KIF5C: variants seen among roughly 807,000 people sequenced by gnomAD.
The protein encoded by KIF5C is kinesin heavy chain isoform 5C.
In KIF5C, 18 loss-of-function variants were observed where a neutral mutation model predicts 125.2. The ratio of observed to expected loss-of-function variants is 0.14; its 90% CI spans 0.10 to 0.21. The LOEUF (loss-of-function observed/expected upper bound fraction) is 0.21, where lower values mean the gene tolerates loss of function less well. Ranked by LOEUF, KIF5C falls within the 10% of genes least tolerant of loss-of-function variation. The probability of loss-of-function intolerance (pLI) is 1.00; values close to 1 mark genes in which losing one functional copy is unlikely to be tolerated. For synonymous variants in KIF5C, 405 were observed against 434.0 expected (o/e 0.93, Z 0.83); for missense variants, 780 against 1,183.8 (o/e 0.66, Z 5.01).
At chr2:149,017,058 CT>C (rs961607383) in intron 25 of KIF5C, among the ~76,000 whole-genome samples, 4 of 152,140 alleles carry the variant, frequency 2.6e-5, no homozygotes, top group African/African-American at 9.7e-5. Context: ...TGGCAGTGAC[CT>C]TAGCATGGAC....
At chr2:148,969,205 T>C (rs1160203779) in intron 11 of KIF5C, among the ~76,000 whole-genome samples, 2 of 152,222 alleles carry the variant, frequency 1.3e-5, no homozygotes, top group Non-Finnish European at 2.9e-5. Context: ...TAGTGTGTCA[T>C]TCTCATCTGT....
chr2:149,024,731 A>G lies in KIF5C; in HGVS notation c.*1661A>G, dbSNP rs1432882714. 2 of 152,650 alleles carry G rather than the reference A, an allele frequency of 1.3e-5. No homozygotes were observed. Among genetic ancestry groups the G allele is most frequent in the Admixed American group, 6.5e-5 (1 of 15,286 alleles). 9.5% of individuals were successfully genotyped at this position (152,650 alleles called of 1,614,324 possible). ...AAGGAGAGAGAGGACGACAAATTCT[A>G]TTGAAGTATTTATTTTGTGAAGATG... is the stretch of plus-strand genomic sequence containing the variant. On this transcript the variant is annotated 3_prime_UTR_variant, in exon 26 of 26. Transcript: ENST00000435030.
chr2:148,916,764 A>G (rs1363161798), intron 1 of KIF5C, among the ~76,000 whole-genome samples: 1 of 152,186 alleles, frequency 6.6e-6, no homozygotes, highest in African/African-American at 2.4e-5. Flanking sequence ...GGGGGAAAAA[A>G]GGACCAGAAA....
At chr2:148,943,522 A>G (rs776811446) in intron 7 of KIF5C, among the ~76,000 whole-genome samples, 3 of 152,208 alleles carry the variant, frequency 2.0e-5, no homozygotes, top group Non-Finnish European at 4.4e-5. Context: ...GTGTGTGGAC[A>G]ATGTAATATA....
intron 16 of KIF5C, among the ~76,000 whole-genome samples, chr2:148,993,594 G>A (rs1325425415): frequency 6.6e-6 from 1 of 152,202 alleles, no homozygotes; most frequent in Non-Finnish European, 1.5e-5. Flanking sequence ...TGTTCCAACG[G>A]AGGAGTTGTG....
At chr2:148,888,585 G>GA (rs1302951554) in intron 1 of KIF5C, 2 of 152,004 alleles carry the variant, frequency 1.3e-5, no homozygotes, top group African/African-American at 2.4e-5. Flanking sequence ...ATTCTGTGCT[G>GA]AAAAATCTCT....
chr2:148,891,731 C>G (rs1273358530), intron 1 of KIF5C, among the ~76,000 whole-genome samples: 2 of 152,132 alleles, frequency 1.3e-5, no homozygotes, highest in Admixed American at 1.3e-4. Flanking sequence ...GAGTCTCACT[C>G]TTGTTGCCCA....
intron 10 of KIF5C, among the ~76,000 whole-genome samples, chr2:148,956,050 T>G (rs923163826): frequency 6.6e-6 from 1 of 152,050 alleles, no homozygotes; most frequent in Non-Finnish European, 1.5e-5. Context: ...GAAATATGAG[T>G]GTAGGAAACC....
At chr2:148,931,759 G>GT (rs546216369) in intron 3 of KIF5C, among the ~76,000 whole-genome samples, 12 of 152,216 alleles carry the variant, frequency 7.9e-5, no homozygotes, top group Non-Finnish European at 1.5e-4. Context: ...CAAGCCCTCT[G>GT]TGTCTTACAG....
At chr2:149,002,514 G>A (rs1357538591) in intron 21 of KIF5C, among the ~76,000 whole-genome samples, 1 of 152,140 alleles carries the variant, frequency 6.6e-6, no homozygotes, top group Non-Finnish European at 1.5e-5. Context: ...CACAGAACAT[G>A]CACACTTGCA....
chr2:148,976,758 T>A (rs1367374186), intron 12 of KIF5C, among the ~76,000 whole-genome samples: 3 of 151,606 alleles, frequency 2.0e-5, no homozygotes, highest in African/African-American at 7.3e-5. Flanking sequence ...TTTTTGTATG[T>A]TTTGTAGAGA....
At chr2:148,920,268 A>G (rs1681730581) in intron 1 of KIF5C, among the ~76,000 whole-genome samples, 2 of 152,242 alleles carry the variant, frequency 1.3e-5, no homozygotes, top group Non-Finnish European at 2.9e-5. Context: ...GCAAAGCTAC[A>G]TTTTTGTTCC....
rs1371345759 is a variant in KIF5C, at chr2:148,973,391, G to A, written c.1173G>A (p.Glu391=). The change falls in exon 12 of 26, where the codon GAG becomes GAA. Residue 391 remains glutamate, a synonymous_variant. Coordinates refer to ENST00000435030, the MANE Select transcript of KIF5C (RefSeq NM_004522.3). The part of the protein sequence containing the change: ...QISAKDQKNL[E]PCDNTPIIDN... Reference sequence around the variant, plus strand: ...GTGCCAAGGACCAGAAGAACCTGGAGCCTTGTGATAACACCCCCATCATAG... The same window carrying A: ...GTGCCAAGGACCAGAAGAACCTGGAACCTTGTGATAACACCCCCATCATAG... The A allele has an allele frequency of 5.6e-6, 9 of 1,613,794 alleles. No homozygotes were observed. The highest frequency in any genetic ancestry group is 7.6e-6 in the Non-Finnish European group (9 of 1,179,722).
chr2:148,920,936 C>T (rs1681759380), intron 1 of KIF5C, among the ~76,000 whole-genome samples: 1 of 152,198 alleles, frequency 6.6e-6, no homozygotes, highest in Non-Finnish European at 1.5e-5. Context: ...CTGCCCTCCC[C>T]TCTGCTATGT....
chr2:149,024,916 T>C lies in KIF5C; in HGVS notation c.*1846T>C, dbSNP rs949936776. The C allele has an allele frequency of 6.6e-6, 1 of 152,424 alleles. No individual in the cohort carries two copies. The highest frequency in any genetic ancestry group is 1.5e-5 in the Non-Finnish European group (1 of 68,044). The allele number at this position is 152,424 out of a possible 1,614,324, so 9.4% of individuals were successfully genotyped here. ...TAATAACATATGCCACATAACCTTG[T>C]TGATATGTTTGCTTCTGATTTGGGA... is the stretch of plus-strand genomic sequence containing the variant. On this transcript the variant is annotated 3_prime_UTR_variant, in exon 26 of 26. Coordinates refer to ENST00000435030, the MANE Select transcript of KIF5C (RefSeq NM_004522.3).
chr2:148,904,021 G>A (rs1681003283), intron 1 of KIF5C, among the ~76,000 whole-genome samples: 1 of 152,196 alleles, frequency 6.6e-6, no homozygotes, highest in African/African-American at 2.4e-5. Context: ...GATGAATAAT[G>A]TATGTATGTG....
At chr2:148,987,295 A>G (rs1409768635) in intron 15 of KIF5C, among the ~76,000 whole-genome samples, 1 of 152,206 alleles carries the variant, frequency 6.6e-6, no homozygotes, top group Non-Finnish European at 1.5e-5. Flanking sequence ...CTTAACATTT[A>G]AATGTATTAT....
chr2:148,880,318 AC>A (rs1006471161), intron 1 of KIF5C, among the ~76,000 whole-genome samples: 32 of 152,146 alleles, frequency 2.1e-4, no homozygotes, highest in African/African-American at 7.5e-4. Flanking sequence ...ATGGGGTTTC[AC>A]CATGTTGGCC....
chr2:148,907,874 G>A (rs898639621), intron 1 of KIF5C, among the ~76,000 whole-genome samples: 1 of 152,218 alleles, frequency 6.6e-6, no homozygotes, highest in African/African-American at 2.4e-5. Context: ...CAGTCAACTG[G>A]GGCCGCCCAG....
Sources: allele counts gnomAD v4.1 joint callset (sites outside exome capture counted in the v4.1 genomes callset), GRCh38; gene constraint gnomAD v4.1.1; transcripts MANE v1.5; gene names NCBI Gene and HGNC (gene_info 2026-07-23, HGNC 2026-07-21).